The following ATP9B variants were observed in gnomAD, a reference collection of about 807,000 sequenced individuals.
ATP9B encodes the protein probable phospholipid-transporting ATPase IIB.
In ATP9B, 110 loss-of-function variants were observed where a neutral mutation model predicts 146.1. The observed-to-expected ratio is 0.75, with a 90% CI of 0.65 to 0.88. The LOEUF (loss-of-function observed/expected upper bound fraction) is 0.88, where lower values mean the gene tolerates loss of function less well. ATP9B is among the 40% of genes least tolerant of loss of function. The pLI is 0.00. For synonymous variants in ATP9B, 604 were observed against 569.7 expected (o/e 1.06, Z -0.86); for missense variants, 1,499 against 1,496.4 (o/e 1.00, Z -0.03).
intron 4 of ATP9B, among the ~76,000 whole-genome samples, chr18:79,124,206 G>GA (rs1313680250): frequency 6.6e-6 from 1 of 152,156 alleles, no homozygotes; most frequent in African/African-American, 2.4e-5. Flanking sequence ...GAGTGGGAGG[G>GA]AATGGGTATG....
At chr18:79,277,383 A>G (rs1228309278) in intron 13 of ATP9B, 187 bp downstream of exon 13, 7 of 537,366 alleles carry the variant, frequency 1.3e-5, no homozygotes, top group Admixed American at 3.2e-5. Flanking sequence ...ATCATCTTCT[A>G]GTATACACAG....
At position 79,337,277 on chromosome 18, in the gene ATP9B, A is replaced by T. The variant is rs2096833062; in HGVS notation, c.2113-2A>T. On this transcript the variant is annotated splice_acceptor_variant, in intron 18 of 29. Coordinates refer to ENST00000426216, the MANE Select transcript of ATP9B (RefSeq NM_198531.5). LOFTEE classifies it high-confidence loss of function. ...CACAGGCGCCTCCCCCTCTGTCCCC[A>T]GAGCCGATACACTCAAGCCAAGCTG... 3.7e-6 allele frequency: 6 copies of T among 1,613,770 alleles called. No individual in the cohort carries two copies. Among genetic ancestry groups the T allele is most frequent in the Non-Finnish European group, 5.1e-6 (6 of 1,179,912 alleles).
chr18:79,216,233 A>G (rs1244470602), intron 11 of ATP9B, among the ~76,000 whole-genome samples: 1 of 151,788 alleles, frequency 6.6e-6, no homozygotes, highest in East Asian at 1.9e-4. Context: ...TACACCTGTT[A>G]CTTTTGGCTC....
At chr18:79,348,359 C>T (rs535265706) in intron 25 of ATP9B, among the ~76,000 whole-genome samples, 163 bp downstream of exon 25, 73 of 151,898 alleles carry the variant, frequency 4.8e-4, no homozygotes, top group African/African-American at 1.7e-3. Context: ...GGGTGAACTT[C>T]AAGACAGCAC....
At chr18:79,146,978 CAGTG>C (rs2094602065) in intron 6 of ATP9B, 1 of 152,132 alleles carries the variant, frequency 6.6e-6, no homozygotes, top group Admixed American at 6.5e-5. Context: ...TCTTCAAATA[CAGTG>C]ACATAGATAG....
chr18:79,374,270 C>T (rs1479172172), intron 28 of ATP9B, 169 bp downstream of exon 28: 1 of 749,870 alleles, frequency 1.3e-6, no homozygotes, highest in African/African-American at 1.8e-5. Flanking sequence ...GCGCTGAGCC[C>T]CGTCGGTCAC....
intron 14 of ATP9B, among the ~76,000 whole-genome samples, 194 bp downstream of exon 14, chr18:79,303,910 G>A (rs2306568): frequency 0.12 from 17,630 of 152,094 alleles, 1,110 homozygotes; most frequent in East Asian, 0.18. Flanking sequence ...GAGTGAAATC[G>A]TAGAAGGCAT....
At chr18:79,163,197 C>T (rs1186122018) in intron 7 of ATP9B, among the ~76,000 whole-genome samples, 1 of 152,174 alleles carries the variant, frequency 6.6e-6, no homozygotes, top group Non-Finnish European at 1.5e-5. Context: ...TAAATCACCT[C>T]AGTTATTGAA....
At position 79,132,184 on chromosome 18, in the gene ATP9B, C is replaced by T. The variant is rs568779937; in HGVS notation, c.667+5809C>T. ...TTACGTCTTTTGTACTTCTGTGATA[C>T]TTGAACTTCAGGTACTTTAAAAATA... On this transcript the variant is annotated intron_variant, in intron 5 of 29. Coordinates refer to ENST00000426216, the MANE Select transcript of ATP9B (RefSeq NM_198531.5). 2.4e-4 allele frequency among the ~76,000 whole-genome samples: 37 copies of T among 152,160 alleles called. 1 individual carries two copies. The highest frequency in any genetic ancestry group is 4.9e-4 in the Non-Finnish European group (33 of 68,026).
intron 29 of ATP9B, chr18:79,375,888 G>A (rs760152582): frequency 2.0e-6 from 2 of 985,298 alleles, no homozygotes; most frequent in African/African-American, 1.7e-5. Flanking sequence ...CAGTCTAAAG[G>A]GATTTCCACT....
intron 12 of ATP9B, among the ~76,000 whole-genome samples, chr18:79,267,664 T>C (rs1324091795): frequency 1.3e-5 from 2 of 152,142 alleles, no homozygotes; most frequent in Non-Finnish European, 2.9e-5. Context: ...TTGAGAAATT[T>C]CTAATACATC....
chr18:79,129,278 C>G lies in ATP9B; in HGVS notation c.667+2903C>G, dbSNP rs117510836. Among the ~76,000 whole-genome samples the G allele has an allele frequency of 1.5e-4, 23 of 152,208 alleles. No individual in the cohort carries two copies. In the East Asian group the frequency reaches 3.9e-3, roughly 26 times the overall value. ...GAAATTTGAGCATTCAAAAATTCCC[C>G]TGTGTATGCTGGGGAATTTTGGAAG... is the stretch of plus-strand genomic sequence containing the variant. On this transcript the variant is annotated intron_variant, in intron 5 of 29. Coordinates refer to ENST00000426216, the MANE Select transcript of ATP9B (RefSeq NM_198531.5).
intron 26 of ATP9B, chr18:79,362,894 C>T (rs1332019785): frequency 2.0e-5 from 3 of 152,218 alleles, no homozygotes; most frequent in African/African-American, 4.8e-5. Context: ...TTGAACCATT[C>T]GGACCCCTTC....
At chr18:79,120,455 C>A (rs2094169241) in intron 4 of ATP9B, among the ~76,000 whole-genome samples, 1 of 152,136 alleles carries the variant, frequency 6.6e-6, no homozygotes, top group African/African-American at 2.4e-5. Context: ...ATTTCTTTTT[C>A]AGTTGCTTTT....
At chr18:79,113,676 G>A (rs191413183) in intron 4 of ATP9B, among the ~76,000 whole-genome samples, 2 of 152,298 alleles carry the variant, frequency 1.3e-5, no homozygotes, top group African/African-American at 4.8e-5. Flanking sequence ...CAGCTGTTGG[G>A]AATGGGGGCT....
chr18:79,143,680 AGG>A (rs1181916922), intron 5 of ATP9B, 120 bp from the exon 6 acceptor site: 1 of 573,020 alleles, frequency 1.7e-6, no homozygotes, highest in African/African-American at 1.9e-5. Flanking sequence ...GTACAAGTAT[AGG>A]GAAATTTCTA....
At chr18:79,296,987 A>T (rs957989234) in intron 13 of ATP9B, among the ~76,000 whole-genome samples, 11 of 151,530 alleles carry the variant, frequency 7.3e-5, no homozygotes, top group African/African-American at 2.7e-4. Flanking sequence ...GATGACCCAG[A>T]GAGAAGACAC....
intron 2 of ATP9B, among the ~76,000 whole-genome samples, chr18:79,101,122 C>T (rs900413228): frequency 4.6e-5 from 7 of 151,902 alleles, no homozygotes; most frequent in African/African-American, 1.2e-4. Flanking sequence ...GTGCAGTTCT[C>T]GGTGATTTCA....
chr18:79,368,744 C>T (rs1256594543), intron 26 of ATP9B, among the ~76,000 whole-genome samples: 1 of 151,952 alleles, frequency 6.6e-6, no homozygotes, highest in Non-Finnish European at 1.5e-5. Context: ...GTGTGGCAAG[C>T]AGAAGAGCTG....
Sources: allele counts gnomAD v4.1 joint callset (sites outside exome capture counted in the v4.1 genomes callset), GRCh38; gene constraint gnomAD v4.1.1; transcripts MANE v1.5; gene names NCBI Gene and HGNC (gene_info 2026-07-23, HGNC 2026-07-21).